IGF2BP1: variants seen among roughly 807,000 people sequenced by gnomAD.
IGF2BP1 encodes insulin like growth factor 2 mRNA binding protein 1, also known as insulin-like growth factor 2 mRNA-binding protein 1.
Under a neutral mutation model 74.9 loss-of-function variants are expected in IGF2BP1, and 11 were observed. The ratio of observed to expected loss-of-function variants is 0.15; its 90% CI spans 0.09 to 0.24. The LOEUF (loss-of-function observed/expected upper bound fraction) is 0.24. IGF2BP1 is among the 10% of genes least tolerant of loss of function. The probability of loss-of-function intolerance (pLI) is 1.00; values close to 1 mark genes in which losing one functional copy is unlikely to be tolerated. For missense variants in IGF2BP1, 440 were observed against 757.4 expected (o/e 0.58, Z 4.92); for synonymous variants, 287 against 281.8 (o/e 1.02, Z -0.18).
rs921058148 is a variant in IGF2BP1, at chr17:49,051,198, A to C, written c.*1754A>C. ...CTTGCTGATATTTTATATAAAAAAG[A>C]AAAGCAAAGCAAAAGAGAAGCTGAT... is the stretch of plus-strand genomic sequence containing the variant. On this transcript the variant is annotated 3_prime_UTR_variant, in exon 15 of 15. Coordinates refer to ENST00000290341, the MANE Select transcript of IGF2BP1 (RefSeq NM_006546.4). 1 of 152,662 alleles carries C rather than the reference A, an allele frequency of 6.6e-6. No homozygotes were observed. Among genetic ancestry groups the C allele is most frequent in the Non-Finnish European group, 1.5e-5 (1 of 68,048 alleles). The allele number at this position is 152,662 out of a possible 1,614,324, so 9.5% of individuals were successfully genotyped here.
At chr17:49,035,528 G>T (rs1029101654) in intron 5 of IGF2BP1, among the ~76,000 whole-genome samples, 1 of 152,184 alleles carries the variant, frequency 6.6e-6, no homozygotes, top group Non-Finnish European at 1.5e-5. Context: ...AGGTGGCAGC[G>T]GTCTGGGGCA....
intron 2 of IGF2BP1, among the ~76,000 whole-genome samples, chr17:49,011,279 C>G (rs570738880): frequency 2.2e-4 from 33 of 151,744 alleles, no homozygotes; most frequent in African/African-American, 8.0e-4. Context: ...AAATGAGGCT[C>G]TCAGTTGGTA....
At chr17:49,043,728 G>A (rs1471984528) in intron 10 of IGF2BP1, among the ~76,000 whole-genome samples, 178 bp downstream of exon 10, 4 of 152,160 alleles carry the variant, frequency 2.6e-5, no homozygotes, top group African/African-American at 9.7e-5. Context: ...GCTCCCAAAT[G>A]TCTGCCTAGA....
At chr17:49,045,663 A>G (rs72833657) in intron 12 of IGF2BP1, among the ~76,000 whole-genome samples, 5 of 152,296 alleles carry the variant, frequency 3.3e-5, no homozygotes, top group Non-Finnish European at 7.3e-5. Flanking sequence ...TCAATTACTC[A>G]TAACTCATAA....
intron 2 of IGF2BP1, among the ~76,000 whole-genome samples, chr17:49,012,197 G>T (rs765073983): frequency 2.6e-5 from 4 of 152,150 alleles, no homozygotes; most frequent in Non-Finnish European, 5.9e-5. Context: ...GAGCCACCGT[G>T]CCCGGCCAGT....
chr17:49,034,728 C>A (rs2041964060), intron 5 of IGF2BP1, among the ~76,000 whole-genome samples: 1 of 146,188 alleles, frequency 6.8e-6, no homozygotes. Context: ...CAGAGTAAGA[C>A]CCTGTCTCAA....
At chr17:49,008,187 A>G (rs1458098347) in intron 2 of IGF2BP1, among the ~76,000 whole-genome samples, 1 of 151,984 alleles carries the variant, frequency 6.6e-6, no homozygotes, top group East Asian at 1.9e-4. Flanking sequence ...AAAAAAAAAA[A>G]AGTAAATAAA....
At chr17:48,997,193 G>A (rs2041414329), upstream of IGF2BP1, among the ~76,000 whole-genome samples, 1 of 152,066 alleles carries the variant, frequency 6.6e-6, no homozygotes, top group African/African-American at 2.4e-5. This position sits in a 1 kb window ranked among gnomAD's most constrained non-coding sequence, Gnocchi z 4.8. Flanking sequence ...GAAGGGGCCT[G>A]TAGAGCTTCA....
At chr17:49,008,320 T>G (rs926997258) in intron 2 of IGF2BP1, among the ~76,000 whole-genome samples, 5 of 152,224 alleles carry the variant, frequency 3.3e-5, no homozygotes, top group Non-Finnish European at 5.9e-5. Flanking sequence ...TTCAGAAGAA[T>G]AATCTTGTTA....
chr17:49,023,156 T>C (rs1473432795), intron 2 of IGF2BP1, among the ~76,000 whole-genome samples: 1 of 152,088 alleles, frequency 6.6e-6, no homozygotes, highest in Non-Finnish European at 1.5e-5. Flanking sequence ...GATGTGGGGG[T>C]TCCCTCTTGG....
chr17:49,010,311 A>ATCTC (rs2041601144), intron 2 of IGF2BP1, among the ~76,000 whole-genome samples: 3 of 129,996 alleles, frequency 2.3e-5, no homozygotes, highest in African/African-American at 9.2e-5. Context: ...CATGGTGGTC[A>ATCTC]TCTTTTTTTT....
chr17:49,017,413 A>G (rs1448050312), intron 2 of IGF2BP1, among the ~76,000 whole-genome samples: 1 of 152,184 alleles, frequency 6.6e-6, no homozygotes, highest in African/African-American at 2.4e-5. Context: ...TGTGAGCCAT[A>G]CATGTAAGTT....
At chr17:49,004,203 T>G (rs1209050503) in intron 2 of IGF2BP1, among the ~76,000 whole-genome samples, 1 of 152,218 alleles carries the variant, frequency 6.6e-6, no homozygotes, top group African/African-American at 2.4e-5. Context: ...CTCAGATCCC[T>G]GAGACCCCAG....
Position 49,038,502 on chromosome 17 carries a change from G to T in IGF2BP1, c.683+53G>T. The T allele has an allele frequency of 2.1e-6, 3 of 1,404,906 alleles. No homozygotes were observed. In the South Asian group the frequency reaches 4.9e-5, roughly 23 times the overall value. 87.0% of individuals were successfully genotyped at this position (1,404,906 alleles called of 1,614,324 possible). The stretch of plus-strand genomic sequence containing the variant: ...GTTGGGTGCTAGGGAACAGTGGTTG[G>T]TACCTAAAGAGGCCTCCTGGAAGCA... On this transcript the variant is annotated intron_variant, in intron 6 of 14. Coordinates refer to ENST00000290341, the MANE Select transcript of IGF2BP1 (RefSeq NM_006546.4).
At position 49,052,271 on chromosome 17, in the gene IGF2BP1, G is replaced by A. The variant is rs553211532; in HGVS notation, c.*2827G>A. 7 of 152,222 alleles carry A rather than the reference G, an allele frequency of 4.6e-5. No individual in the cohort carries two copies. The South Asian group carries it at 6.2e-4, about 14-fold the overall frequency. 9.4% of individuals were successfully genotyped at this position (152,222 alleles called of 1,614,324 possible). On this transcript the variant is annotated 3_prime_UTR_variant, in exon 15 of 15. Transcript: ENST00000290341. ...TTTATCCCAAAACAAAGCAGATAAC[G>A]TTCAGACGTCGGCCATTTAGTAATT...
At chr17:49,004,930 C>T (rs1214527644) in intron 2 of IGF2BP1, 2 of 152,202 alleles carry the variant, frequency 1.3e-5, no homozygotes, top group Admixed American at 6.5e-5. Flanking sequence ...CACACACCAT[C>T]GCAAGGGCAA....
upstream of IGF2BP1, among the ~76,000 whole-genome samples, chr17:48,996,676 T>C (rs1318899465): frequency 6.6e-6 from 1 of 152,128 alleles, no homozygotes; most frequent in African/African-American, 2.4e-5. Context: ...AACGTTATCA[T>C]TTAACAGCCG....
At chr17:49,020,921 G>A (rs1236900307) in intron 2 of IGF2BP1, among the ~76,000 whole-genome samples, 1 of 150,900 alleles carries the variant, frequency 6.6e-6, no homozygotes, top group Non-Finnish European at 1.5e-5. Context: ...GGACAGACAG[G>A]AGTGTGAGAC....
chr17:49,008,223 A>G, intron 2 of IGF2BP1, among the ~76,000 whole-genome samples: 1 of 152,140 alleles, frequency 6.6e-6, no homozygotes, highest in Non-Finnish European at 1.5e-5. Flanking sequence ...AATTCTTCAC[A>G]GAGAGATATG....
Sources: gnomAD v4.1 joint callset for allele counts (sites outside exome capture counted in the v4.1 genomes callset) on GRCh38, gnomAD v4.1.1 for gene constraint, Gnocchi (gnomAD v3.1) non-coding constraint, MANE v1.5 for transcripts, NCBI Gene and HGNC (gene_info 2026-07-23, HGNC 2026-07-21) for gene names.